The following LMF1 variants were observed in gnomAD, a reference collection of about 807,000 sequenced individuals.
LMF1 encodes lipase maturation factor 1, also known as transmembrane protein 112.
In LMF1, 68 loss-of-function variants were observed where a neutral mutation model predicts 60.6. The ratio of observed to expected loss-of-function variants is 1.12; its 90% confidence interval spans 0.92 to 1.37. The LOEUF (loss-of-function observed/expected upper bound fraction) is 1.37, where lower values mean the gene tolerates loss of function less well. LMF1 is among the 40% of genes most tolerant of loss of function. LMF1 has a pLI of 0.00. For missense variants in LMF1, 948 were observed against 767.2 expected (o/e 1.24, Z -2.78); for synonymous variants, 418 against 324.7 (o/e 1.29, Z -3.09).
intron 3 of LMF1, among the ~76,000 whole-genome samples, chr16:932,474 CACA>C (rs1216617889): frequency 6.6e-6 from 1 of 152,238 alleles, no homozygotes; most frequent in Non-Finnish European, 1.5e-5. Flanking sequence ...GCTCAGAGTC[CACA>C]ACATCAGACA....
At chr16:958,000 G>C (rs2072743772) in intron 1 of LMF1, among the ~76,000 whole-genome samples, 1 of 152,182 alleles carries the variant, frequency 6.6e-6, no homozygotes, top group African/African-American at 2.4e-5. Context: ...AAAAAACAAA[G>C]AAGAGTCTCT....
intron 10 of LMF1, among the ~76,000 whole-genome samples, chr16:859,912 GGTGT>G (rs2069399072): frequency 1.4e-5 from 2 of 143,112 alleles, no homozygotes; most frequent in African/African-American, 5.9e-5. Flanking sequence ...GGTGTGCAGT[GGTGT>G]CACGGGATCG....
At chr16:953,169 C>T (rs1156353545) in intron 2 of LMF1, among the ~76,000 whole-genome samples, 8 of 118,654 alleles carry the variant, frequency 6.7e-5, no homozygotes, top group East Asian at 2.7e-4. Context: ...TCCTGCACGT[C>T]CACACAGACA....
intron 1 of LMF1, chr16:976,625 A>G (rs1440634213): frequency 2.2e-6 from 1 of 454,008 alleles, no homozygotes; most frequent in Middle Eastern, 6.9e-4. Context: ...GCAGAGAGCA[A>G]ATGCGTGCTG....
chr16:901,110 G>A (rs1030449464), intron 4 of LMF1: 7 of 152,248 alleles, frequency 4.6e-5, no homozygotes, highest in Admixed American at 3.3e-4. Context: ...ACAGAAAACA[G>A]ATTTCCAGCT....
intron 10 of LMF1, among the ~76,000 whole-genome samples, chr16:858,356 CA>C (rs1478342679): frequency 5.7e-4 from 14 of 24,598 alleles, no homozygotes; most frequent in African/African-American, 6.0e-4. Context: ...GACGGGTGTG[CA>C]GTGGTGTCTC....
chr16:885,923 C>G (rs578065347), intron 5 of LMF1, among the ~76,000 whole-genome samples: 1 of 152,220 alleles, frequency 6.6e-6, no homozygotes, highest in Admixed American at 6.5e-5. Context: ...TCAAACGGAA[C>G]TTTCACTAAG....
At chr16:876,095 G>A (rs2069964076) in intron 6 of LMF1, among the ~76,000 whole-genome samples, 1 of 152,262 alleles carries the variant, frequency 6.6e-6, no homozygotes, top group Non-Finnish European at 1.5e-5. Context: ...CCTGTGGGAA[G>A]CACATGTGCC....
intron 2 of LMF1, among the ~76,000 whole-genome samples, chr16:947,232 C>G (rs533056499): frequency 6.6e-5 from 10 of 152,226 alleles, no homozygotes; most frequent in Non-Finnish European, 1.5e-4. Flanking sequence ...ATGAAAAGGA[C>G]GTCACTTTTA....
In LMF1 at chr16:869,012, G is replaced by A. The variant is rs767553404; in HGVS notation, c.1461C>T (p.Leu487=). 3.1e-6 allele frequency: 5 copies of A among 1,612,662 alleles called. No homozygotes were observed. The Admixed American group carries it at 5.0e-5, about 16-fold the overall frequency. ...NDWIIHLAGK[L]LASDAEALSL... Reference sequence around the variant, plus strand: ...ACAAGGCCTCGGCGTCGCTGGCCAGGAGCTTGCCAGCCAGGTGGATGATCC... The same window carrying A: ...ACAAGGCCTCGGCGTCGCTGGCCAGAAGCTTGCCAGCCAGGTGGATGATCC... Residue 487 remains leucine, a synonymous_variant, in exon 10 of 11, where the codon CTC becomes CTT. Coordinates refer to ENST00000262301, the MANE Select transcript of LMF1 (RefSeq NM_022773.4).
At chr16:929,266 C>G (rs541891836) in intron 3 of LMF1, among the ~76,000 whole-genome samples, 12 of 152,332 alleles carry the variant, frequency 7.9e-5, no homozygotes, top group African/African-American at 2.9e-4. Context: ...TCAACCTCAC[C>G]AAACTCTGCA....
chr16:979,779 G>A (rs1016595858), intron 1 of LMF1: 13 of 453,982 alleles, frequency 2.9e-5, no homozygotes, highest in African/African-American at 2.4e-4. Flanking sequence ...AGGGGCAGGG[G>A]GTGGAAGGTG....
intron 1 of LMF1, among the ~76,000 whole-genome samples, chr16:978,343 C>G (rs925732014): frequency 6.3e-5 from 8 of 125,992 alleles, no homozygotes; most frequent in African/African-American, 2.7e-4. Context: ...ACATACCATA[C>G]AAACACACAC....
At chr16:877,037 C>G (rs1218511691) in intron 6 of LMF1, among the ~76,000 whole-genome samples, 1 of 152,170 alleles carries the variant, frequency 6.6e-6, no homozygotes, top group Non-Finnish European at 1.5e-5. Flanking sequence ...AGATGCGTGT[C>G]GGTGAGGACA....
At chr16:925,445 G>T (rs530176379) in intron 3 of LMF1, among the ~76,000 whole-genome samples, 2 of 152,312 alleles carry the variant, frequency 1.3e-5, no homozygotes, top group South Asian at 4.1e-4. Context: ...CTATTTTCTG[G>T]GAGGGCGTGG....
chr16:946,246 G>A (rs549565241), intron 2 of LMF1, among the ~76,000 whole-genome samples: 3 of 152,250 alleles, frequency 2.0e-5, no homozygotes, highest in East Asian at 3.9e-4. Context: ...CCCATGTGCC[G>A]CAGCAGCCAC....
intron 1 of LMF1, chr16:976,895 G>A (rs1219587667): frequency 1.8e-5 from 8 of 454,004 alleles, no homozygotes; most frequent in African/African-American, 6.0e-5. Flanking sequence ...AGCTACTCCC[G>A]CCAGCGCGGG....
chr16:864,386 C>T (rs912666592), intron 10 of LMF1, among the ~76,000 whole-genome samples: 3 of 152,212 alleles, frequency 2.0e-5, no homozygotes, highest in Non-Finnish European at 4.4e-5. Flanking sequence ...TCGGTAGGAA[C>T]CGCACTGTGA....
chr16:940,478 C>T (rs943577379), intron 2 of LMF1, among the ~76,000 whole-genome samples: 4 of 152,108 alleles, frequency 2.6e-5, no homozygotes, highest in South Asian at 2.1e-4. Flanking sequence ...CCTGGGACGA[C>T]GACCACAGGA....
Sources: gnomAD v4.1 joint callset for allele counts (sites outside exome capture counted in the v4.1 genomes callset) on GRCh38, gnomAD v4.1.1 for gene constraint, MANE v1.5 for transcripts, NCBI Gene and HGNC (gene_info 2026-07-23, HGNC 2026-07-21) for gene names.